Variants in GKAP1 observed in about 807,000 individuals in gnomAD.
The protein encoded by GKAP1 is G kinase-anchoring protein 1.
In GKAP1, 31 loss-of-function variants were observed where a neutral mutation model predicts 56.7. That is an observed-to-expected ratio of 0.55 (90% confidence interval 0.41 to 0.74). The LOEUF (loss-of-function observed/expected upper bound fraction) is 0.74, where lower values mean the gene tolerates loss of function less well. Ranked by LOEUF, GKAP1 falls within the 30% of genes least tolerant of loss-of-function variation. The pLI is 0.00. For synonymous variants in GKAP1, 151 were observed against 138.6 expected, an observed-to-expected ratio of 1.09 and a Z score of -0.63; for missense variants, 364 against 402.3, an observed-to-expected ratio of 0.90 and a Z score of 0.82.
chr9:83,771,539 T>C (rs1943760740), intron 7 of GKAP1, among the ~76,000 whole-genome samples: 1 of 152,214 alleles, frequency 6.6e-6, no homozygotes, highest in African/African-American at 2.4e-5. Context: ...TGAATGACAT[T>C]AAAAATGGTT....
intron 7 of GKAP1, among the ~76,000 whole-genome samples, chr9:83,775,757 C>T (rs1004053097): frequency 1.3e-5 from 2 of 150,928 alleles, no homozygotes; most frequent in African/African-American, 4.9e-5. Context: ...CGCCTGTAAT[C>T]CCAGCTACTC....
chr9:83,801,362 A>C (rs1409836953), intron 3 of GKAP1, among the ~76,000 whole-genome samples: 1 of 151,414 alleles, frequency 6.6e-6, no homozygotes, highest in Non-Finnish European at 1.5e-5. Flanking sequence ...CTGTGAAAAA[A>C]TAAATTTCCG....
chr9:83,788,046 G>A (rs1341981025), intron 5 of GKAP1, among the ~76,000 whole-genome samples: 1 of 152,226 alleles, frequency 6.6e-6, no homozygotes, highest in Admixed American at 6.5e-5. Context: ...GGGAGGCCAA[G>A]GTGGGTGGAT....
intron 8 of GKAP1, among the ~76,000 whole-genome samples, chr9:83,755,771 A>G (rs1224311169): frequency 6.6e-6 from 1 of 151,836 alleles, no homozygotes; most frequent in African/African-American, 2.4e-5. Context: ...CTCACTAGTA[A>G]GCAAATCCAG....
intron 6 of GKAP1, among the ~76,000 whole-genome samples, chr9:83,781,365 A>C (rs765827056): frequency 6.6e-6 from 1 of 152,228 alleles, no homozygotes; most frequent in African/African-American, 2.4e-5. Context: ...TCTGTCTCTA[A>C]ATAAAGTACA....
At chr9:83,787,032 G>A (rs1189811429) in intron 5 of GKAP1, among the ~76,000 whole-genome samples, 1 of 152,132 alleles carries the variant, frequency 6.6e-6, no homozygotes, top group Non-Finnish European at 1.5e-5. Context: ...TTAAATCATA[G>A]TAAAACTAGC....
chr9:83,813,803 C>T (rs117763680), intron 2 of GKAP1, among the ~76,000 whole-genome samples: 1,678 of 152,286 alleles, frequency 0.011, 14 homozygotes, highest in Middle Eastern at 0.048. Context: ...TTAATTTATA[C>T]TTAAGATGGC....
At chr9:83,741,922 T>C in intron 12 of GKAP1, 30 bp downstream of exon 12, 1 of 1,362,642 alleles carries the variant, frequency 7.3e-7, no homozygotes, top group South Asian at 1.2e-5. Flanking sequence ...TTATTTGTGA[T>C]AAAAACACTT....
intron 2 of GKAP1, among the ~76,000 whole-genome samples, chr9:83,815,026 G>C (rs552703026): frequency 1.3e-5 from 2 of 152,202 alleles, no homozygotes; most frequent in African/African-American, 4.8e-5. Context: ...ACAAAAACTA[G>C]CTGGGCATGG....
chr9:83,769,927 C>T lies in GKAP1; in HGVS notation c.586-957G>A, dbSNP rs531877340. 1.8e-4 allele frequency among the ~76,000 whole-genome samples: 27 copies of T among 152,290 alleles called. No individual in the cohort carries two copies. In the South Asian group the frequency reaches 2.5e-3, roughly 14 times the overall value. ...CCGGGTGTGAAGTGCTATCTCATTG[C>T]GGTTTTCAGTCGCATTTCCCTGACA... is the stretch of plus-strand genomic sequence containing the variant. On this transcript the variant is annotated intron_variant, in intron 7 of 12. Coordinates refer to ENST00000376371, the MANE Select transcript of GKAP1 (RefSeq NM_025211.4).
At chr9:83,790,417 C>T (rs558120628) in intron 4 of GKAP1, among the ~76,000 whole-genome samples, 1 of 152,262 alleles carries the variant, frequency 6.6e-6, no homozygotes, top group South Asian at 2.1e-4. Flanking sequence ...AATTTCTCCA[C>T]CTAACCTCAT....
chr9:83,766,841 A>G (rs1486306119), intron 8 of GKAP1, among the ~76,000 whole-genome samples: 4 of 147,176 alleles, frequency 2.7e-5, no homozygotes, highest in African/African-American at 9.9e-5. Flanking sequence ...TTTTAGAAAT[A>G]CCTTTTAAAC....
At chr9:83,815,591 C>CAG (rs1291491328) in intron 2 of GKAP1, among the ~76,000 whole-genome samples, 3 of 152,070 alleles carry the variant, frequency 2.0e-5, no homozygotes, top group Non-Finnish European at 4.4e-5. Context: ...CACACACACA[C>CAG]ACACACAATT....
At chr9:83,815,524 G>GA (rs1238646945) in intron 2 of GKAP1, among the ~76,000 whole-genome samples, 1 of 151,928 alleles carries the variant, frequency 6.6e-6, no homozygotes, top group African/African-American at 2.4e-5. Flanking sequence ...AATCAAGACA[G>GA]CAGCAGCCAT....
chr9:83,742,419 T>C, intron 11 of GKAP1, 111 bp downstream of exon 11: 2 of 694,234 alleles, frequency 2.9e-6, no homozygotes, highest in Non-Finnish European at 4.9e-6. Flanking sequence ...TAATAAAGTA[T>C]AATTTATACT....
intron 8 of GKAP1, among the ~76,000 whole-genome samples, chr9:83,754,533 G>C (rs1587694219): frequency 6.6e-6 from 1 of 152,184 alleles, no homozygotes; most frequent in East Asian, 1.9e-4. Flanking sequence ...ATTGAACCTT[G>C]TGTGATGGGT....
At chr9:83,749,291 A>G (rs1943346973) in intron 9 of GKAP1, 1 of 148,434 alleles carries the variant, frequency 6.7e-6, no homozygotes, top group Non-Finnish European at 1.5e-5. Context: ...CAGTAGCACG[A>G]TCTCGGCTTA....
At position 83,788,692 on chromosome 9, in the gene GKAP1, G is replaced by C; in HGVS notation, c.361-14C>G. 1 of 1,565,456 alleles carries C rather than the reference G, an allele frequency of 6.4e-7. No individual in the cohort carries two copies. The highest frequency in any genetic ancestry group is 8.8e-7 in the Non-Finnish European group (1 of 1,142,108). On this transcript the variant is annotated splice_polypyrimidine_tract_variant and intron_variant, in intron 4 of 12. Coordinates refer to ENST00000376371, the MANE Select transcript of GKAP1 (RefSeq NM_025211.4). ...TTCAGATGTCAGCTACAAAAAAAAA[G>C]TTTCACAATAAACAGACAGTATCAT...
intron 4 of GKAP1, among the ~76,000 whole-genome samples, chr9:83,794,060 T>G (rs1309170234): frequency 6.6e-6 from 1 of 151,960 alleles, no homozygotes; most frequent in African/African-American, 2.4e-5. Flanking sequence ...CCCAGCTACT[T>G]GGGAGGCTGA....
Sources: gnomAD v4.1 joint callset for allele counts (sites outside exome capture counted in the v4.1 genomes callset) on GRCh38, gnomAD v4.1.1 for gene constraint, MANE v1.5 for transcripts, NCBI Gene and HGNC (gene_info 2026-07-23, HGNC 2026-07-21) for gene names.